Variants in ADAM22 observed in about 807,000 individuals in gnomAD.
ADAM22 encodes ADAM metallopeptidase domain 22.
ADAM22 carries 65 observed loss-of-function variants against 144.6 expected under a neutral mutation model. The observed-to-expected ratio is 0.45, with a 90% CI of 0.37 to 0.55. The LOEUF is 0.55. Among genes scored for constraint, ADAM22 ranks in the 20% least tolerant of loss-of-function variants. The pLI, the probability that ADAM22 is intolerant of heterozygous loss-of-function variation, is 0.00. For synonymous variants in ADAM22, 391 were observed against 412.6 expected (o/e 0.95, Z 0.63); for missense variants, 974 against 1,184.9 (o/e 0.82, Z 2.61).
At position 87,935,123 on chromosome 7, in the gene ADAM22, C is replaced by G. The variant is rs749577979; in HGVS notation, c.183C>G (p.Gly61=). ...VPLRLIYRSG[G]EDESRHDALD... Reference sequence around the variant, plus strand: ...TGCGCCTCATCTACCGCTCGGGCGGCGAAGACGAAAGTCGGCACGACGCGC... The same window carrying G: ...TGCGCCTCATCTACCGCTCGGGCGGGGAAGACGAAAGTCGGCACGACGCGC... The change falls in exon 2 of 32, where the codon GGC becomes GGG. Residue 61 remains glycine, a synonymous_variant. Coordinates refer to ENST00000413139, the MANE Select transcript of ADAM22 (RefSeq NM_001324418.2). 2.1e-5 allele frequency: 34 copies of G among 1,613,588 alleles called. No homozygotes were observed. The East Asian group carries it at 6.9e-4, about 33-fold the overall frequency.
intron 14 of ADAM22, among the ~76,000 whole-genome samples, chr7:88,136,854 G>T (rs1032126796): frequency 2.0e-5 from 3 of 151,922 alleles, no homozygotes; most frequent in Admixed American, 6.5e-5. Context: ...AATAATAACA[G>T]CAAAAGATGG....
rs1489715345 is a variant in ADAM22 at position 88,153,279 on chromosome 7, G to A, written c.1740G>A (p.Lys580=). The part of the protein sequence containing the change: ...YEKLNIEGTE[K]GNCGKDKDTW... The stretch of plus-strand genomic sequence containing the variant: ...AACTGAATATTGAAGGGACGGAGAA[G>A]GGTAACTGTGGGAAAGACAAAGACA... The change falls in exon 21 of 32, where the codon AAG becomes AAA. Residue 580 remains lysine (K), a synonymous_variant. Transcript: ENST00000413139. 5.6e-6 allele frequency: 9 copies of A among 1,613,378 alleles called. No individual in the cohort carries two copies. Among genetic ancestry groups the A allele is most frequent in the South Asian group, 1.1e-5 (1 of 90,948 alleles).
At chr7:88,016,720 T>TA (rs1353956613) in intron 3 of ADAM22, among the ~76,000 whole-genome samples, 2 of 152,058 alleles carry the variant, frequency 1.3e-5, no homozygotes, top group Non-Finnish European at 1.5e-5. Context: ...ATGTGGGAGC[T>TA]AAAAAAAGTT....
chr7:87,978,470 C>G, intron 3 of ADAM22, 58 bp downstream of exon 3: 1 of 1,486,618 alleles, frequency 6.7e-7, no homozygotes. Context: ...CTTTATTTTC[C>G]ACTTGTAAAG....
rs531278875 is a variant in ADAM22 at position 88,017,601 on chromosome 7, A to G, written c.323+39189A>G. Among the ~76,000 whole-genome samples, 9 of 152,274 alleles carry G rather than the reference A, an allele frequency of 5.9e-5. No homozygotes were observed. The South Asian group carries it at 1.4e-3, about 25-fold the overall frequency. On this transcript the variant is annotated intron_variant, in intron 3 of 31. Coordinates refer to ENST00000413139, the MANE Select transcript of ADAM22 (RefSeq NM_001324418.2). ...TGATTAAATTTAATTCTTGAAATATATGAGGCATATGCATGTCCAAAATGA... is the reference window on the plus strand; with the variant it reads ...TGATTAAATTTAATTCTTGAAATATGTGAGGCATATGCATGTCCAAAATGA...
At chr7:88,077,231 T>C (rs546946001) in intron 4 of ADAM22, among the ~76,000 whole-genome samples, 1 of 152,358 alleles carries the variant, frequency 6.6e-6, no homozygotes, top group South Asian at 2.1e-4. Flanking sequence ...ATAAATTATA[T>C]TGTCCTATTC....
intron 22 of ADAM22, among the ~76,000 whole-genome samples, chr7:88,156,735 T>C (rs1375587915): frequency 1.3e-5 from 2 of 152,130 alleles, no homozygotes; most frequent in African/African-American, 4.8e-5. Context: ...ATTGGAGCTT[T>C]ATACTCTATA....
intron 3 of ADAM22, among the ~76,000 whole-genome samples, chr7:88,055,603 T>C (rs1455365787): frequency 6.6e-6 from 1 of 152,142 alleles, no homozygotes; most frequent in East Asian, 1.9e-4. Flanking sequence ...CTTCACTGTT[T>C]ACAAACTTTA....
At chr7:87,956,800 A>G (rs771518968) in intron 2 of ADAM22, among the ~76,000 whole-genome samples, 9 of 152,114 alleles carry the variant, frequency 5.9e-5, no homozygotes, top group Non-Finnish European at 8.8e-5. Flanking sequence ...GTAGTGTTTC[A>G]TTATCAATCC....
chr7:88,014,734 T>C (rs1796179624), intron 3 of ADAM22, among the ~76,000 whole-genome samples: 1 of 152,192 alleles, frequency 6.6e-6, no homozygotes, highest in South Asian at 2.1e-4. Flanking sequence ...GAGAAGTTGC[T>C]TTGAGAGCTT....
Position 88,151,308 on chromosome 7 carries a change from A to G in ADAM22, c.1669A>G (p.Ile557Val), listed in dbSNP as rs1330862166. The G allele has an allele frequency of 6.2e-7, 1 of 1,614,132 alleles. No homozygotes were observed. The highest frequency in any genetic ancestry group is 8.5e-7 in the Non-Finnish European group (1 of 1,179,980). The change falls in exon 20 of 32, where the codon ATT becomes GTT. Residue 557 changes from isoleucine to valine, a missense_variant. Coordinates refer to ENST00000413139, the MANE Select transcript of ADAM22 (RefSeq NM_001324418.2). ...CKTRDRQCKY[I>V]WGQKVTASDK... ...AACCAGAGATAGACAATGCAAATAC[A>G]TTTGGGGGCAAAGTAAGTAAATAGT...
chr7:88,038,510 A>C (rs1802083331), intron 3 of ADAM22, among the ~76,000 whole-genome samples: 2 of 147,308 alleles, frequency 1.4e-5, no homozygotes, highest in Admixed American at 6.9e-5. Context: ...GCTGGAGTGC[A>C]GTGGTGCGAT....
At chr7:88,174,781 C>G (rs1845229427) in intron 26 of ADAM22, among the ~76,000 whole-genome samples, 2 of 152,050 alleles carry the variant, frequency 1.3e-5, no homozygotes, top group Non-Finnish European at 2.9e-5. Context: ...TCACTTTAAG[C>G]AGAATGCCCT....
At position 88,196,497 on chromosome 7, in the gene ADAM22, A is replaced by C; in HGVS notation, c.*6A>C. 1 of 1,614,070 alleles carries C rather than the reference A, an allele frequency of 6.2e-7. No individual in the cohort carries two copies. The highest frequency in any genetic ancestry group is 8.5e-7 in the Non-Finnish European group (1 of 1,179,990). On this transcript the variant is annotated 3_prime_UTR_variant, in exon 32 of 32. Coordinates refer to ENST00000413139, the MANE Select transcript of ADAM22 (RefSeq NM_001324418.2). Reference sequence around the variant, plus strand: ...TATGGGAGACATCCATTTAAGATCAACTGTTTACATGTGATACATCGAAAA... The same window carrying C: ...TATGGGAGACATCCATTTAAGATCACCTGTTTACATGTGATACATCGAAAA...
At position 88,196,507 on chromosome 7, in the gene ADAM22, T is replaced by C. The variant is rs777615021; in HGVS notation, c.*16T>C. On this transcript the variant is annotated 3_prime_UTR_variant, in exon 32 of 32. Transcript: ENST00000413139. ...ATCCATTTAAGATCAACTGTTTACA[T>C]GTGATACATCGAAAACTGTTTACTT... 6.2e-7 allele frequency: 1 copy of C among 1,613,806 alleles called. No individual in the cohort carries two copies. The highest frequency in any genetic ancestry group is 1.3e-5 in the African/African-American group (1 of 74,944).
At chr7:87,961,624 G>A (rs551671690) in intron 2 of ADAM22, among the ~76,000 whole-genome samples, 6 of 152,222 alleles carry the variant, frequency 3.9e-5, no homozygotes, top group East Asian at 1.9e-4. Context: ...TATCTGGTGC[G>A]GTTGGCAGAT....
intron 4 of ADAM22, among the ~76,000 whole-genome samples, chr7:88,088,800 G>A (rs1205591698): frequency 6.6e-6 from 1 of 152,096 alleles, no homozygotes; most frequent in Non-Finnish European, 1.5e-5. Flanking sequence ...AAAATGTATT[G>A]TTTGTAAAAA....
Position 88,156,014 on chromosome 7 carries a change from T to C in ADAM22, c.1907+8T>C, listed in dbSNP as rs1839839494. The C allele has an allele frequency of 1.9e-6, 3 of 1,612,000 alleles. No homozygotes were observed. The East Asian group carries it at 6.7e-5, about 36-fold the overall frequency. On this transcript the variant is annotated splice_region_variant and intron_variant, in intron 22 of 31. Transcript: ENST00000413139. ...AAGAACATTAAACTGCAGGTAATTATCTAACCATTCTGTAAGAATCTGAGT... is the reference window on the plus strand; with the variant it reads ...AAGAACATTAAACTGCAGGTAATTACCTAACCATTCTGTAAGAATCTGAGT...
intron 3 of ADAM22, among the ~76,000 whole-genome samples, chr7:88,009,303 G>T (rs1794797355): frequency 6.6e-6 from 1 of 152,110 alleles, no homozygotes; most frequent in South Asian, 2.1e-4. Context: ...TTTCTGGTAT[G>T]CTCGTATGAT....
Sources: gnomAD v4.1 joint callset for allele counts (sites outside exome capture counted in the v4.1 genomes callset) on GRCh38, gnomAD v4.1.1 for gene constraint, MANE v1.5 for transcripts, NCBI Gene and HGNC (gene_info 2026-07-23, HGNC 2026-07-21) for gene names.